Variants in MRPL49 observed in about 807,000 individuals in gnomAD.
MRPL49 encodes the protein large ribosomal subunit protein mL49.
In MRPL49, 14 loss-of-function variants were observed where a neutral mutation model predicts 18.4. That is an observed-to-expected ratio of 0.76 (90% CI 0.50 to 1.19). The LOEUF is 1.19. Ranked by LOEUF, MRPL49 falls within the 50% of genes most tolerant of loss-of-function variation. The probability of loss-of-function intolerance (pLI) is 0.00; values close to 1 mark genes in which losing one functional copy is unlikely to be tolerated. For missense variants in MRPL49, 190 were observed against 217.8 expected (o/e 0.87, Z 0.80); for synonymous variants, 104 against 86.2 (o/e 1.21, Z -1.14).
chr11:65,122,233 C>G (rs1291967174), upstream of MRPL49: 5 of 1,169,864 alleles, frequency 4.3e-6, no homozygotes, highest in African/African-American at 3.0e-5. Context: ...CCAAGGCAGT[C>G]CTAGCTCCGC....
chr11:65,126,966 C>T lies in MRPL49; in HGVS notation c.*1094C>T. The stretch of plus-strand genomic sequence containing the variant: ...CCCAGCTCACTAGCCTTCATATATG[C>T]CTTATACTTGGAGTCACAGGGGCCA... On this transcript the variant is annotated 3_prime_UTR_variant, in exon 4 of 4. Coordinates refer to ENST00000279242, the MANE Select transcript of MRPL49 (RefSeq NM_004927.4). 2 of 679,640 alleles carry T rather than the reference C, an allele frequency of 2.9e-6. No individual in the cohort carries two copies. The highest frequency in any genetic ancestry group is 2.7e-5 in the East Asian group (1 of 36,886). 42.1% of individuals were successfully genotyped at this position (679,640 alleles called of 1,614,324 possible). A position where few individuals can be genotyped will look rare whatever the true frequency, so the allele number is the denominator to read the frequency against.
Position 65,126,972 on chromosome 11 carries a change from A to G in MRPL49, c.*1100A>G, listed in dbSNP as rs1353429986. ...TCACTAGCCTTCATATATGCCTTAT[A>G]CTTGGAGTCACAGGGGCCAAAGGCC... is the stretch of plus-strand genomic sequence containing the variant. On this transcript the variant is annotated 3_prime_UTR_variant, in exon 4 of 4. Transcript: ENST00000279242. 2 of 677,828 alleles carry G rather than the reference A, an allele frequency of 3.0e-6. No individual in the cohort carries two copies. Among genetic ancestry groups the G allele is most frequent in the Non-Finnish European group, 5.4e-6 (2 of 373,820 alleles). 42.0% of individuals were successfully genotyped at this position (677,828 alleles called of 1,614,324 possible). A position where few individuals can be genotyped will look rare whatever the true frequency, so the allele number is the denominator to read the frequency against.
rs751992660 is a variant in MRPL49, at chr11:65,127,055, A to C, written c.*1183A>C. The C allele has an allele frequency of 5.7e-6, 4 of 702,248 alleles. No individual in the cohort carries two copies. In the South Asian group the frequency reaches 5.9e-5, roughly 10 times the overall value. The allele number at this position is 702,248 out of a possible 1,614,324, so 43.5% of individuals were successfully genotyped here. A position where few individuals can be genotyped will look rare whatever the true frequency, so the allele number is the denominator to read the frequency against. ...ACAGCTTTCAGTTCCTGACTCCCCAACTTGGTCTCTGCCCTGAAGCAGGGC... is the reference window on the plus strand; with the variant it reads ...ACAGCTTTCAGTTCCTGACTCCCCACCTTGGTCTCTGCCCTGAAGCAGGGC... On this transcript the variant is annotated 3_prime_UTR_variant, in exon 4 of 4. Coordinates refer to ENST00000279242, the MANE Select transcript of MRPL49 (RefSeq NM_004927.4).
chr11:65,122,317 G>C, upstream of MRPL49: 2 of 1,607,190 alleles, frequency 1.2e-6, no homozygotes, highest in Non-Finnish European at 1.7e-6. Context: ...AGACAGTTGC[G>C]CGCACAGAAG....
At chr11:65,124,033 ATG>A (rs1948078136) in intron 1 of MRPL49, among the ~76,000 whole-genome samples, 1 of 151,990 alleles carries the variant, frequency 6.6e-6, no homozygotes, top group Non-Finnish European at 1.5e-5. Flanking sequence ...GATTACAGGC[ATG>A]CACCACCATG....
At position 65,125,813 on chromosome 11, in the gene MRPL49, C is replaced by A; in HGVS notation, c.442C>A (p.Arg148=). ...GGTCAATGAGGTGACAGGTACCCTA[C>A]GGATCAAGGGCTACTTTGACCAGGA... ...TQVNEVTGTL[R]IKGYFDQELK... The change falls in exon 4 of 4, where the codon CGG becomes AGG. Residue 148 remains arginine, a synonymous_variant. Transcript: ENST00000279242. The A allele has an allele frequency of 1.9e-6, 3 of 1,612,606 alleles. No individual in the cohort carries two copies. Among genetic ancestry groups the A allele is most frequent in the South Asian group, 1.1e-5 (1 of 91,018 alleles).
At chr11:65,122,578 G>A (rs1948062657) in intron 1 of MRPL49, 154 bp downstream of exon 1, 2 of 678,252 alleles carry the variant, frequency 2.9e-6, no homozygotes, top group South Asian at 3.7e-5. Context: ...ATATAGAATC[G>A]AGAGGGAAAA....
At chr11:65,125,701 G>A (rs1399458365) in intron 3 of MRPL49, 25 bp from the exon 4 acceptor site, 2 of 1,613,044 alleles carry the variant, frequency 1.2e-6, no homozygotes, top group African/African-American at 2.7e-5. Flanking sequence ...CTCTTGGCCT[G>A]ACCTGATTTG....
chr11:65,123,930 G>C (rs568004299), intron 1 of MRPL49, among the ~76,000 whole-genome samples: 5 of 152,012 alleles, frequency 3.3e-5, no homozygotes, highest in African/African-American at 1.2e-4. Context: ...CTCTGTCACC[G>C]AGGCTGGAGT....
At chr11:65,123,555 T>G (rs1948073295) in intron 1 of MRPL49, among the ~76,000 whole-genome samples, 1 of 152,060 alleles carries the variant, frequency 6.6e-6, no homozygotes, top group African/African-American at 2.4e-5. Context: ...GCCAACATGG[T>G]GAAACCCGTC....
At chr11:65,123,453 G>A (rs1417056214) in intron 1 of MRPL49, among the ~76,000 whole-genome samples, 1 of 152,196 alleles carries the variant, frequency 6.6e-6, no homozygotes, top group Non-Finnish European at 1.5e-5. Context: ...CAGAAAAATG[G>A]GCCAGGCACG....
Position 65,127,204 on chromosome 11 carries a change from T to A in MRPL49, c.*1332T>A. On this transcript the variant is annotated 3_prime_UTR_variant, in exon 4 of 4. Transcript: ENST00000279242. ...AAACCCTCACTCCTGGAGATTCCAT[T>A]CCATTTTCAAGTGTACAGCCACAGC... The A allele has an allele frequency of 3.6e-6, 2 of 553,708 alleles. No homozygotes were observed. Among genetic ancestry groups the A allele is most frequent in the East Asian group, 6.1e-5 (2 of 32,612 alleles). 34.3% of individuals were successfully genotyped at this position (553,708 alleles called of 1,614,324 possible).
In MRPL49 at chr11:65,122,368, G is replaced by A. The variant is rs1032203523; in HGVS notation, c.22G>A (p.Ala8Thr). The A allele has an allele frequency of 6.2e-7, 1 of 1,613,034 alleles. No individual in the cohort carries two copies. Among genetic ancestry groups the A allele is most frequent in the Non-Finnish European group, 8.5e-7 (1 of 1,179,680 alleles). The change falls in exon 1 of 4, where the codon GCT becomes ACT. Residue 8 changes from alanine to threonine, a missense_variant. By Grantham distance (58) the Ala-to-Thr change is moderately conservative (BLOSUM62 0). Transcript: ENST00000279242. ...AAAGATGGCAGCTACCATGTTCCGG[G>A]CTACGCTGCGGGGATGGAGAACCGG... The part of the protein sequence containing the change: MAATMFR[A>T]TLRGWRTGVQ...
rs143100538 is a variant in MRPL49 at position 65,125,560 on chromosome 11, C to T, written c.302C>T (p.Thr101Met). 164 of 1,613,992 alleles carry T rather than the reference C, an allele frequency of 1.0e-4. No individual in the cohort carries two copies. Among genetic ancestry groups the T allele is most frequent in the Non-Finnish European group, 1.3e-4 (155 of 1,180,026 alleles). The change falls in exon 3 of 4, where the codon ACG becomes ATG. Residue 101 changes from threonine to methionine, a missense_variant. Coordinates refer to ENST00000279242, the MANE Select transcript of MRPL49 (RefSeq NM_004927.4). ...MHNIPVYKDI[T>M]HGNRQMTVIR... The stretch of plus-strand genomic sequence containing the variant: ...AACATCCCCGTCTACAAGGACATCA[C>T]GCATGGCAACCGGCAGATGACTGTG...
At chr11:65,125,100 G>A in intron 2 of MRPL49, 1 of 313,392 alleles carries the variant, frequency 3.2e-6, no homozygotes, top group South Asian at 3.8e-5. Flanking sequence ...AGCCCTTAGT[G>A]CAGAGCCCAG....
At chr11:65,125,248 T>G in intron 2 of MRPL49, 1 of 508,264 alleles carries the variant, frequency 2.0e-6, no homozygotes, top group African/African-American at 2.0e-5. Context: ...TGTCCCTGAT[T>G]TCATTTTTTC....
chr11:65,127,148 G>A lies in MRPL49; in HGVS notation c.*1276G>A. ...CTTCCTAATCTGTTAATGGTCAGTGGTGTCCCCAAGGATAGTGCTGGCTTC... is the reference window on the plus strand; with the variant it reads ...CTTCCTAATCTGTTAATGGTCAGTGATGTCCCCAAGGATAGTGCTGGCTTC... On this transcript the variant is annotated 3_prime_UTR_variant, in exon 4 of 4. Transcript: ENST00000279242. The A allele has an allele frequency of 3.0e-6, 2 of 659,652 alleles. No homozygotes were observed. The highest frequency in any genetic ancestry group is 4.6e-5 in the Admixed American group (2 of 43,028). 40.9% of individuals were successfully genotyped at this position (659,652 alleles called of 1,614,324 possible).
Position 65,125,744 on chromosome 11 carries a change from G to A in MRPL49, c.373G>A (p.Glu125Lys), listed in dbSNP as rs901174368. The stretch of plus-strand genomic sequence containing the variant: ...TCCCCAGGCCCTGCAGAAAGACGTG[G>A]AAGATTTTCTGAGCCCGCTGCTGGG... Reference protein sequence around the residue: ...GDIWALQKDVEDFLSPLLGKT... With the variant: ...GDIWALQKDVKDFLSPLLGKT... Residue 125 changes from glutamate (E) to lysine (K), a missense_variant, in exon 4 of 4, where the codon GAA becomes AAA. Physicochemically the swap from Glu to Lys is moderately conservative, Grantham distance 56 (BLOSUM62 1). Coordinates refer to ENST00000279242, the MANE Select transcript of MRPL49 (RefSeq NM_004927.4). 1 of 1,613,778 alleles carries A rather than the reference G, an allele frequency of 6.2e-7. No individual in the cohort carries two copies. The highest frequency in any genetic ancestry group is 8.5e-7 in the Non-Finnish European group (1 of 1,179,996).
Position 65,125,594 on chromosome 11 carries a change from A to G in MRPL49, c.336A>G (p.Lys112=). Residue 112 remains lysine (K), a synonymous_variant, in exon 3 of 4, where the codon AAA becomes AAG. Transcript: ENST00000279242. ...ACCGGCAGATGACTGTGATCCGGAAAGTGGAAGGGGACATCTGGGTAAGTG... is the reference window on the plus strand; with the variant it reads ...ACCGGCAGATGACTGTGATCCGGAAGGTGGAAGGGGACATCTGGGTAAGTG... The part of the protein sequence containing the change: ...HGNRQMTVIR[K]VEGDIWALQK... 8.6e-7 allele frequency: 1 copy of G among 1,161,386 alleles called. No homozygotes were observed. Among genetic ancestry groups the G allele is most frequent in the Non-Finnish European group, 1.2e-6 (1 of 827,962 alleles). 71.9% of individuals were successfully genotyped at this position (1,161,386 alleles called of 1,614,324 possible).
Sources: gnomAD v4.1 joint callset for allele counts (sites outside exome capture counted in the v4.1 genomes callset) on GRCh38, gnomAD v4.1.1 for gene constraint, MANE v1.5 for transcripts, NCBI Gene and HGNC (gene_info 2026-07-23, HGNC 2026-07-21) for gene names.